The following TRIM37 variants were observed in gnomAD, a reference collection of about 807,000 sequenced individuals.
The protein encoded by TRIM37 is E3 ubiquitin-protein ligase TRIM37.
Under a neutral mutation model 129.8 loss-of-function variants are expected in TRIM37, and 80 were observed. The ratio of observed to expected loss-of-function variants is 0.62; its 90% confidence interval spans 0.51 to 0.74. The LOEUF is 0.74. TRIM37 is among the 30% of genes least tolerant of loss of function. The probability of loss-of-function intolerance (pLI) is 0.00; values close to 1 mark genes in which losing one functional copy is unlikely to be tolerated. For missense variants in TRIM37, 1,054 were observed against 1,176.5 expected, an observed-to-expected ratio of 0.90 and a Z score of 1.52; for synonymous variants, 389 against 387.1, an observed-to-expected ratio of 1.00 and a Z score of -0.06.
chr17:59,056,943 T>C lies in TRIM37; in HGVS notation c.1131A>G (p.Arg377=), dbSNP rs938209151. The C allele has an allele frequency of 1.2e-5, 20 of 1,613,570 alleles. No individual in the cohort carries two copies. Among genetic ancestry groups the C allele is most frequent in the Non-Finnish European group, 1.6e-5 (19 of 1,179,908 alleles). Residue 377 remains arginine, a synonymous_variant, in exon 13 of 24, where the codon AGA becomes AGG. Coordinates refer to ENST00000262294, the MANE Select transcript of TRIM37 (RefSeq NM_015294.6). ...FEVGECWGYN[R]FFRLDLLANE... The stretch of plus-strand genomic sequence containing the variant: ...TTGCGAGTAAGTCCAAACGGAAAAA[T>C]CTATTATAGCCCCAGCATTCTCCAA...
intron 21 of TRIM37, among the ~76,000 whole-genome samples, chr17:59,014,583 A>C (rs749406377): frequency 6.6e-6 from 1 of 152,176 alleles, no homozygotes; most frequent in Non-Finnish European, 1.5e-5. Flanking sequence ...GGAGAGAAGA[A>C]AGATGAGATA....
At chr17:59,099,624 C>T (rs2045268178) in intron 2 of TRIM37, among the ~76,000 whole-genome samples, 1 of 151,988 alleles carries the variant, frequency 6.6e-6, no homozygotes, top group Non-Finnish European at 1.5e-5. Flanking sequence ...GGAAAAGATG[C>T]TAACATCATT....
intron 23 of TRIM37, among the ~76,000 whole-genome samples, chr17:59,000,791 TAGA>T (rs2033623101): frequency 6.6e-6 from 1 of 152,116 alleles, no homozygotes; most frequent in East Asian, 1.9e-4. Context: ...TACAGTAGGC[TAGA>T]AAAGGAAAAA....
At chr17:59,054,662 ATTTAC>A (rs1360146525) in intron 13 of TRIM37, among the ~76,000 whole-genome samples, 1 of 147,328 alleles carries the variant, frequency 6.8e-6, no homozygotes, top group Non-Finnish European at 1.5e-5. Context: ...TGTTGTTTTT[ATTTAC>A]TTTATTATTA....
chr17:58,977,385 A>G, the TRIM37 span, among the ~76,000 whole-genome samples: 3 of 151,262 alleles, frequency 2.0e-5, no homozygotes, highest in Admixed American at 6.6e-5. Flanking sequence ...GGAGGTTGCA[A>G]TGAGCTGAGA....
chr17:59,043,920 A>G (rs913712734), intron 16 of TRIM37, among the ~76,000 whole-genome samples: 8 of 152,226 alleles, frequency 5.3e-5, no homozygotes. Context: ...ATACAACACT[A>G]TTAAGAGCAT....
chr17:58,997,181 T>G (rs980406271), downstream of TRIM37, among the ~76,000 whole-genome samples: 2 of 152,228 alleles, frequency 1.3e-5, no homozygotes, highest in African/African-American at 4.8e-5. Context: ...GATTAACTTC[T>G]TAGTTTTGAT....
At chr17:59,039,402 G>A (rs1029210775) in intron 17 of TRIM37, among the ~76,000 whole-genome samples, 11 of 148,104 alleles carry the variant, frequency 7.4e-5, no homozygotes, top group Admixed American at 1.4e-4. Context: ...GTTGGAGTGC[G>A]GTGGCGCAAT....
At chr17:58,986,988 C>T (rs16943339) in intron 24 of TRIM37, among the ~76,000 whole-genome samples, 3,642 of 152,198 alleles carry the variant, frequency 0.024, 143 homozygotes, top group African/African-American at 0.083. Context: ...AGCGCTCTTC[C>T]CTGGGCAGTT....
In TRIM37 at chr17:59,032,093, G is replaced by A. The variant is rs373120070; in HGVS notation, c.1754-3C>T. Reference sequence around the variant, plus strand: ...ACCCACATAACCATGGCTACTACCTGCAAAAGAGGCGTAGAAAATGATATA... The same window carrying A: ...ACCCACATAACCATGGCTACTACCTACAAAAGAGGCGTAGAAAATGATATA... On this transcript the variant is annotated splice_polypyrimidine_tract_variant and splice_region_variant and intron_variant, in intron 17 of 23. Transcript: ENST00000262294. The A allele has an allele frequency of 6.7e-4, 1,082 of 1,613,262 alleles. 7 individuals are homozygous for A. In the Middle Eastern group the frequency reaches 8.8e-3, roughly 13 times the overall value.
chr17:59,093,094 G>T (rs1013750452), intron 2 of TRIM37, among the ~76,000 whole-genome samples: 1 of 152,136 alleles, frequency 6.6e-6, no homozygotes, highest in Non-Finnish European at 1.5e-5. Flanking sequence ...AGGCTGCAGG[G>T]AGCCGAGACA....
chr17:58,980,394 G>T, downstream of TRIM37: 1 of 1,614,136 alleles, frequency 6.2e-7, no homozygotes, highest in Non-Finnish European at 8.5e-7. This position sits in a 1 kb window ranked among gnomAD's most constrained non-coding sequence, Gnocchi z 4.7. Context: ...GGCTATGATG[G>T]GCGTGTGGAT....
downstream of TRIM37, among the ~76,000 whole-genome samples, chr17:58,996,607 CCCATCTCCACAAAAAATA>C (rs1707229119): frequency 6.6e-6 from 1 of 151,570 alleles, no homozygotes; most frequent in African/African-American, 2.4e-5. Context: ...GGAGTGAAAC[CCCATCTCCACAAAAAATA>C]GAAAAATTAG....
At chr17:59,011,633 C>A (rs1158043140) in intron 22 of TRIM37, among the ~76,000 whole-genome samples, 1 of 152,198 alleles carries the variant, frequency 6.6e-6, no homozygotes, top group Non-Finnish European at 1.5e-5. Flanking sequence ...GTTCTAAGCA[C>A]CTCTGTTGCC....
At chr17:58,991,166 ACT>A (rs1394210630) in intron 24 of TRIM37, among the ~76,000 whole-genome samples, 1 of 139,412 alleles carries the variant, frequency 7.2e-6, no homozygotes, top group Non-Finnish European at 1.5e-5. Context: ...CAAGAGTGAA[ACT>A]CTGTCTCAAA....
At chr17:59,003,245 G>A (rs1223413071) in intron 22 of TRIM37, among the ~76,000 whole-genome samples, 1 of 152,134 alleles carries the variant, frequency 6.6e-6, no homozygotes, top group Non-Finnish European at 1.5e-5. Context: ...AAAACAGCAA[G>A]GAATTTTGTC....
At chr17:59,088,020 T>C in intron 4 of TRIM37, 2 of 585,338 alleles carry the variant, frequency 3.4e-6, no homozygotes, top group East Asian at 5.6e-5. Context: ...CATTTACCTT[T>C]GTATGCCTAT....
intron 13 of TRIM37, among the ~76,000 whole-genome samples, chr17:59,051,712 T>G (rs895076930): frequency 1.3e-5 from 2 of 151,910 alleles, no homozygotes; most frequent in Non-Finnish European, 2.9e-5. Flanking sequence ...CTTCCCTAAA[T>G]GAGGCCCCAG....
intron 13 of TRIM37, among the ~76,000 whole-genome samples, chr17:59,052,197 CCA>C (rs1261114240): frequency 3.0e-5 from 4 of 135,552 alleles, no homozygotes; most frequent in African/African-American, 1.2e-4. Flanking sequence ...CTTAATCTAT[CCA>C]GAGTTGTTTT....
Sources: allele counts gnomAD v4.1 joint callset (sites outside exome capture counted in the v4.1 genomes callset), GRCh38; gene constraint gnomAD v4.1.1; non-coding constraint Gnocchi (gnomAD v3.1); transcripts MANE v1.5; gene names NCBI Gene and HGNC (gene_info 2026-07-23, HGNC 2026-07-21).